The following CALHM4 variants were observed in gnomAD, a reference collection of about 807,000 sequenced individuals.
CALHM4 encodes the protein calcium homeostasis modulator family member 4, also known as calcium homeostasis modulator protein 4.
CALHM4 carries 16 observed loss-of-function variants against 13.3 expected under a neutral mutation model. The ratio of observed to expected loss-of-function variants is 1.20; its 90% CI spans 0.81 to 1.82. The LOEUF (loss-of-function observed/expected upper bound fraction) is 1.82, where lower values mean the gene tolerates loss of function less well. Ranked by LOEUF, CALHM4 falls within the 40% of genes most tolerant of loss-of-function variation. CALHM4 has a pLI of 0.00. For missense variants in CALHM4, 344 were observed against 374.9 expected, an observed-to-expected ratio of 0.92 and a Z score of 0.68; for synonymous variants, 127 against 137.1, an observed-to-expected ratio of 0.93 and a Z score of 0.52.
At chr6:116,551,325 T>G (rs944927817), upstream of CALHM4, among the ~76,000 whole-genome samples, 7 of 152,350 alleles carry the variant, frequency 4.6e-5, no homozygotes, top group African/African-American at 1.7e-4. Flanking sequence ...TTCTTATCCC[T>G]ACTTCCAGAC....
At position 116,559,340 on chromosome 6, in the gene CALHM4, T is replaced by C. The variant is rs1774484381; in HGVS notation, c.*1129T>C. Among the ~76,000 whole-genome samples, 1 of 152,292 alleles carries C rather than the reference T, an allele frequency of 6.6e-6. No homozygotes were observed. Among genetic ancestry groups the C allele is most frequent in the East Asian group, 1.9e-4 (1 of 5,188 alleles). On this transcript the variant is annotated 3_prime_UTR_variant, in exon 2 of 2. Coordinates refer to ENST00000368596, the MANE Select transcript of CALHM4 (RefSeq NM_001366078.2). The stretch of plus-strand genomic sequence containing the variant: ...TACTGGACAGTGGACCAACTGCCAA[T>C]AGTCAATCCAATTTTCAAGATTCAC...
intron 1 of CALHM4, chr6:116,543,268 C>T: frequency 6.8e-7 from 1 of 1,474,220 alleles, no homozygotes; most frequent in Non-Finnish European, 9.2e-7. Flanking sequence ...TAAGAAACAA[C>T]AGCCATTCAA....
In CALHM4 at chr6:116,560,296, G is replaced by A. The variant is rs142891409; in HGVS notation, c.*2085G>A. Among the ~76,000 whole-genome samples, 22 of 152,080 alleles carry A rather than the reference G, an allele frequency of 1.4e-4. No homozygotes were observed. The highest frequency in any genetic ancestry group is 2.2e-4 in the Non-Finnish European group (15 of 67,972). Reference sequence around the variant, plus strand: ...GTAAAGACTCTTCAATAAGATTTTCGGTTAACAACAAAATCAAAGAATATT... The same window carrying A: ...GTAAAGACTCTTCAATAAGATTTTCAGTTAACAACAAAATCAAAGAATATT... On this transcript the variant is annotated 3_prime_UTR_variant, in exon 2 of 2. Transcript: ENST00000368596.
In CALHM4 at chr6:116,553,964, C is replaced by T. The variant is rs759048166; in HGVS notation, c.171C>T (p.Val57=). The change falls in exon 1 of 2, where the codon GTC becomes GTT. Residue 57 remains valine, a synonymous_variant. Coordinates refer to ENST00000368596, the MANE Select transcript of CALHM4 (RefSeq NM_001366078.2). The part of the protein sequence containing the change: ...KNFYYGSAFL[V]IPALILLVAG... ...TCTATTATGGTTCTGCTTTTCTTGT[C>T]ATTCCTGCCTTGATCCTTCTCGTTG... is the stretch of plus-strand genomic sequence containing the variant. 3 of 1,550,506 alleles carry T rather than the reference C, an allele frequency of 1.9e-6. No individual in the cohort carries two copies. The highest frequency in any genetic ancestry group is 2.7e-5 in the African/African-American group (2 of 73,058).
chr6:116,530,517 T>C (rs1050782529), intron 1 of CALHM4, among the ~76,000 whole-genome samples: 5 of 152,188 alleles, frequency 3.3e-5, no homozygotes, highest in African/African-American at 1.2e-4. Flanking sequence ...ATACTACCTA[T>C]TGTAGCACAA....
At chr6:116,554,420 A>G in intron 1 of CALHM4, 69 bp downstream of exon 1, 1 of 1,253,200 alleles carries the variant, frequency 8.0e-7, no homozygotes, top group Non-Finnish European at 1.1e-6. Context: ...GAAACATTTC[A>G]GATTCCTACT....
At chr6:116,542,805 A>G (rs1440153940) in intron 1 of CALHM4, among the ~76,000 whole-genome samples, 1 of 152,124 alleles carries the variant, frequency 6.6e-6, no homozygotes, top group African/African-American at 2.4e-5. Flanking sequence ...GCTATCTTAA[A>G]ATAAACTCTC....
rs1774566464 is a variant in CALHM4 at position 116,560,981 on chromosome 6, T to C, written c.*2770T>C. Among the ~76,000 whole-genome samples, 1 of 152,196 alleles carries C rather than the reference T, an allele frequency of 6.6e-6. No individual in the cohort carries two copies. The highest frequency in any genetic ancestry group is 2.1e-4 in the South Asian group (1 of 4,826). On this transcript the variant is annotated 3_prime_UTR_variant, in exon 2 of 2. Coordinates refer to ENST00000368596, the MANE Select transcript of CALHM4 (RefSeq NM_001366078.2). ...AATGTGTAAATGTGTTTTACTCAGC[T>C]TTCTTTATGTTTTCCAAAGCTGAAT...
At chr6:116,530,943 ATG>A (rs1772677307) in intron 1 of CALHM4, among the ~76,000 whole-genome samples, 2 of 126,126 alleles carry the variant, frequency 1.6e-5, no homozygotes, top group Non-Finnish European at 3.4e-5. Flanking sequence ...ATATATATAT[ATG>A]TTACTAATTT....
chr6:116,532,428 C>T (rs1255917312), intron 1 of CALHM4, among the ~76,000 whole-genome samples: 1 of 152,138 alleles, frequency 6.6e-6, no homozygotes. Context: ...TCTAAGTTCA[C>T]TTTAACAGTA....
chr6:116,536,989 A>G (rs780541382), intron 1 of CALHM4, among the ~76,000 whole-genome samples: 29 of 152,186 alleles, frequency 1.9e-4, no homozygotes, highest in Non-Finnish European at 3.7e-4. Flanking sequence ...GTCCATAACT[A>G]AAGTCTGACC....
In CALHM4 at chr6:116,558,076, G is replaced by A; in HGVS notation, c.810G>A (p.Gln270=). The A allele has an allele frequency of 6.2e-7, 1 of 1,614,110 alleles. No homozygotes were observed. The highest frequency in any genetic ancestry group is 1.1e-5 in the South Asian group (1 of 91,090). The change falls in exon 2 of 2, where the codon CAG becomes CAA. Residue 270 remains glutamine, a synonymous_variant. Coordinates refer to ENST00000368596, the MANE Select transcript of CALHM4 (RefSeq NM_001366078.2). The part of the protein sequence containing the change: ...DVKHIRIPSC[Q]DWKDISVPTL... ...AACACATCCGCATTCCTTCTTGTCA[G>A]GACTGGAAAGATATTTCAGTACCCA... is the stretch of plus-strand genomic sequence containing the variant.
upstream of CALHM4, among the ~76,000 whole-genome samples, chr6:116,553,344 G>C (rs1214067663): frequency 6.6e-6 from 1 of 152,148 alleles, no homozygotes; most frequent in Non-Finnish European, 1.5e-5. Flanking sequence ...GATTGCTCTA[G>C]TATTTAATAA....
chr6:116,557,646 A>G (rs536444873), intron 1 of CALHM4, among the ~76,000 whole-genome samples, 179 bp from the exon 2 acceptor site: 160 of 152,366 alleles, frequency 1.1e-3, no homozygotes, highest in Non-Finnish European at 2.0e-3. Flanking sequence ...TATGCCCTCC[A>G]TCAGACCTAT....
intron 1 of CALHM4, among the ~76,000 whole-genome samples, chr6:116,534,789 A>AG (rs34333482): frequency 0.49 from 74,430 of 151,916 alleles, 18,463 homozygotes; most frequent in Middle Eastern, 0.64. Context: ...ATACTATAAA[A>AG]GAAAAGTTCT....
In CALHM4 at chr6:116,544,081, A is replaced by G. The variant is rs75391266; in HGVS notation, c.-1+209A>G. 7.6e-4 allele frequency among the ~76,000 whole-genome samples: 116 copies of G among 151,772 alleles called. 1 individual carries two copies. The East Asian group carries it at 0.02, about 27-fold the overall frequency. On this transcript the variant is annotated intron_variant, in intron 2 of 2. Transcript: ENST00000368597. ...TCAATGAAAAGTCTGCTCAACATAT[A>G]AGAGCCACAGCAGAAGACAAAGTGC...
At chr6:116,532,230 T>C (rs944293892) in intron 1 of CALHM4, among the ~76,000 whole-genome samples, 5 of 152,188 alleles carry the variant, frequency 3.3e-5, no homozygotes, top group African/African-American at 1.2e-4. Flanking sequence ...GGTGTAGATG[T>C]GAAAAGTTCT....
intron 1 of CALHM4, among the ~76,000 whole-genome samples, chr6:116,537,964 T>C (rs1773199490): frequency 6.6e-6 from 1 of 152,246 alleles, no homozygotes; most frequent in Non-Finnish European, 1.5e-5. Context: ...GAGAATATCC[T>C]GGTCGAGGAC....
chr6:116,539,645 C>G (rs1773308643), intron 1 of CALHM4, among the ~76,000 whole-genome samples: 1 of 152,006 alleles, frequency 6.6e-6, no homozygotes, highest in African/African-American at 2.4e-5. Flanking sequence ...GCCATTCATG[C>G]ACAGAGTCAG....
Sources: allele counts gnomAD v4.1 joint callset (sites outside exome capture counted in the v4.1 genomes callset), GRCh38; gene constraint gnomAD v4.1.1; transcripts MANE v1.5; gene names NCBI Gene and HGNC (gene_info 2026-07-23, HGNC 2026-07-21).